The following EVC2 variants were observed in gnomAD, a reference collection of about 807,000 sequenced individuals.
EVC2 encodes limbin.
Under a neutral mutation model 149.3 loss-of-function variants are expected in EVC2, and 148 were observed. That is an observed-to-expected ratio of 0.99 (90% CI 0.87 to 1.14). The LOEUF (loss-of-function observed/expected upper bound fraction) is 1.14, where lower values mean the gene tolerates loss of function less well. EVC2 is among the 50% of genes most tolerant of loss of function. The pLI is 0.00. For missense variants in EVC2, 1,854 were observed against 1,627.3 expected, an observed-to-expected ratio of 1.14 and a Z score of -2.40; for synonymous variants, 776 against 649.9, an observed-to-expected ratio of 1.19 and a Z score of -2.95.
chr4:5,680,965 A>G (rs777055711), intron 7 of EVC2, among the ~76,000 whole-genome samples: 13 of 152,242 alleles, frequency 8.5e-5, no homozygotes, highest in Non-Finnish European at 1.6e-4. Context: ...CCTAGTGGCA[A>G]ACACTGGGGA....
At chr4:5,707,743 G>A (rs952895216) in intron 1 of EVC2, among the ~76,000 whole-genome samples, 8 of 152,118 alleles carry the variant, frequency 5.3e-5, no homozygotes, top group Non-Finnish European at 7.4e-5. Flanking sequence ...TACAGCCAGG[G>A]ATCCATGCCT....
chr4:5,653,695 A>G (rs1416191458), intron 9 of EVC2, among the ~76,000 whole-genome samples: 1 of 152,238 alleles, frequency 6.6e-6, no homozygotes, highest in Admixed American at 6.5e-5. Context: ...GCATGCTAAT[A>G]TAAGACATGA....
At chr4:5,574,858 G>A in intron 18 of EVC2, 86 bp from the exon 19 acceptor site, 1 of 1,320,802 alleles carries the variant, frequency 7.6e-7, no homozygotes, top group South Asian at 1.2e-5. Flanking sequence ...TAACAAAGAA[G>A]CACACATCTC....
At chr4:5,701,532 G>T (rs1324545315) in intron 1 of EVC2, among the ~76,000 whole-genome samples, 1 of 152,072 alleles carries the variant, frequency 6.6e-6, no homozygotes, top group Non-Finnish European at 1.5e-5. Flanking sequence ...TCCTCTGTTG[G>T]ATCTTTTCCT....
At chr4:5,706,038 A>C (rs1722109668) in intron 1 of EVC2, among the ~76,000 whole-genome samples, 1 of 152,120 alleles carries the variant, frequency 6.6e-6, no homozygotes, top group African/African-American at 2.4e-5. Context: ...GAGACTTGGA[A>C]TATGCCAAGC....
At chr4:5,655,043 G>C (rs1424485310) in intron 9 of EVC2, among the ~76,000 whole-genome samples, 1 of 152,200 alleles carries the variant, frequency 6.6e-6, no homozygotes, top group African/African-American at 2.4e-5. Context: ...CACTTGCCAA[G>C]AGAACAGAAG....
In EVC2 at chr4:5,691,269, G is replaced by A; in HGVS notation, c.515C>T (p.Ala172Val). 1 of 1,613,066 alleles carries A rather than the reference G, an allele frequency of 6.2e-7. No individual in the cohort carries two copies. The highest frequency in any genetic ancestry group is 8.5e-7 in the Non-Finnish European group (1 of 1,179,262). The stretch of plus-strand genomic sequence containing the variant: ...ACACCACCAGTGGAAACTTACCAGT[G>A]CACATTTCTGAAAAATTACTCCATT... ...SENGVIFQKC[A>V]LVSGSSEAQT... is the part of the protein sequence containing the mutation. The change falls in exon 4 of 22, where the codon GCA becomes GTA. Residue 172 changes from alanine to valine, a missense_variant. By Grantham distance (64) the Ala-to-Val change is moderately conservative. Transcript: ENST00000344408.
At chr4:5,665,401 G>A (rs1292209582) in intron 8 of EVC2, 114 bp downstream of exon 8, 2 of 1,524,780 alleles carry the variant, frequency 1.3e-6, no homozygotes, top group African/African-American at 1.4e-5. Context: ...GGGTTTTTGT[G>A]CACAGCTCCC....
chr4:5,581,692 A>C (rs2108784752), intron 17 of EVC2, among the ~76,000 whole-genome samples: 1 of 152,320 alleles, frequency 6.6e-6, no homozygotes, highest in Non-Finnish European at 1.5e-5. Context: ...AAGTGTGGAA[A>C]ATTTGCAGCC....
chr4:5,576,495 G>A lies in EVC2; in HGVS notation c.3058-41C>T. The A allele has an allele frequency of 6.5e-7, 1 of 1,547,348 alleles. No individual in the cohort carries two copies. The highest frequency in any genetic ancestry group is 8.7e-7 in the Non-Finnish European group (1 of 1,150,144). The stretch of plus-strand genomic sequence containing the variant: ...GCAGAGGGTAAGCACCACTGCACAA[G>A]GCGGGTGGGGTGGAGGACAAAATCT... On this transcript the variant is annotated intron_variant, in intron 17 of 21. Transcript: ENST00000344408. The surrounding 1 kb of genome is among the most constrained non-coding windows in gnomAD (Gnocchi z 4.5).
intron 9 of EVC2, among the ~76,000 whole-genome samples, chr4:5,649,867 G>A (rs1357548177): frequency 7.8e-6 from 1 of 127,970 alleles, no homozygotes; most frequent in South Asian, 2.5e-4. Context: ...CTATCCATTT[G>A]AAGGCATAGA....
chr4:5,585,472 G>A (rs566984811), intron 16 of EVC2, among the ~76,000 whole-genome samples: 1 of 152,252 alleles, frequency 6.6e-6, no homozygotes, highest in East Asian at 1.9e-4. Flanking sequence ...CAAACCAGGT[G>A]CCCAGGGTTT....
Position 5,613,390 on chromosome 4 carries a change from G to A in EVC2, c.2829+2032C>T, listed in dbSNP as rs113378311. On this transcript the variant is annotated intron_variant, in intron 16 of 21. Transcript: ENST00000344408. The surrounding 1 kb of genome is among the most constrained non-coding windows in gnomAD (Gnocchi z 4.6). ...CGACAACAGTCACCTTCACTCTGGC[G>A]GGTTTCACCTCTTACAGAGGATCAC... Among the ~76,000 whole-genome samples, 649 of 152,192 alleles carry A rather than the reference G, an allele frequency of 4.3e-3. 2 individuals carry two copies. The highest frequency in any genetic ancestry group is 0.014 in the African/African-American group (601 of 41,498).
intron 7 of EVC2, among the ~76,000 whole-genome samples, chr4:5,680,665 G>A (rs746060001): frequency 6.6e-6 from 1 of 152,226 alleles, no homozygotes; most frequent in African/African-American, 2.4e-5. Context: ...AAATGGCAGA[G>A]ATTTTAAAAT....
chr4:5,693,562 C>G (rs1259200494), intron 3 of EVC2, among the ~76,000 whole-genome samples: 1 of 152,218 alleles, frequency 6.6e-6, no homozygotes, highest in Non-Finnish European at 1.5e-5. Context: ...GGGAGCGTGG[C>G]CCCACCAGCA....
At chr4:5,546,728 GA>G (rs542465431) in intron 21 of EVC2, among the ~76,000 whole-genome samples, 80 of 145,956 alleles carry the variant, frequency 5.5e-4, no homozygotes, top group African/African-American at 1.3e-3. Context: ...TAATAAAATT[GA>G]AAAAAAAAAG....
At chr4:5,600,835 C>A (rs950323451) in intron 16 of EVC2, among the ~76,000 whole-genome samples, 2 of 152,302 alleles carry the variant, frequency 1.3e-5, no homozygotes, top group East Asian at 3.9e-4. Flanking sequence ...CTTTGCTCAG[C>A]AGGCCACTCT....
intron 5 of EVC2, among the ~76,000 whole-genome samples, chr4:5,688,476 A>C (rs1046126070): frequency 7.2e-5 from 11 of 152,298 alleles, no homozygotes; most frequent in Admixed American, 6.5e-4. Flanking sequence ...ATGAGGTCCT[A>C]CTAAGAATAA....
chr4:5,665,446 C>T, intron 8 of EVC2, 69 bp downstream of exon 8: 1 of 1,610,816 alleles, frequency 6.2e-7, no homozygotes, highest in Admixed American at 1.7e-5. Context: ...GGCTGAGACC[C>T]ACAGAACTGG....
Sources: gnomAD v4.1 joint callset for allele counts (sites outside exome capture counted in the v4.1 genomes callset) on GRCh38, gnomAD v4.1.1 for gene constraint, Gnocchi (gnomAD v3.1) non-coding constraint, MANE v1.5 for transcripts, NCBI Gene and HGNC (gene_info 2026-07-23, HGNC 2026-07-21) for gene names.